The following CEP170B variants were observed in gnomAD, a reference collection of about 807,000 sequenced individuals.
CEP170B encodes the protein centrosomal protein of 170 kDa protein B.
In CEP170B, 55 loss-of-function variants were observed where a neutral mutation model predicts 120.6. The ratio of observed to expected loss-of-function variants is 0.46; its 90% CI spans 0.37 to 0.57. The LOEUF (loss-of-function observed/expected upper bound fraction) is 0.57, where lower values mean the gene tolerates loss of function less well. Ranked by LOEUF, CEP170B falls within the 20% of genes least tolerant of loss-of-function variation. CEP170B has a pLI of 0.00. For missense variants in CEP170B, 2,212 were observed against 2,253.3 expected, an observed-to-expected ratio of 0.98 and a Z score of 0.37; for synonymous variants, 1,033 against 954.5, an observed-to-expected ratio of 1.08 and a Z score of -1.52.
At chr14:104,889,138 G>C (rs999805194) in intron 12 of CEP170B, among the ~76,000 whole-genome samples, 13 of 152,212 alleles carry the variant, frequency 8.5e-5, no homozygotes, top group Non-Finnish European at 1.8e-4. Context: ...GCCTGTCTGT[G>C]TGGTCCAGCC....
At chr14:104,889,426 C>G (rs1450482190) in intron 12 of CEP170B, 194 bp from the exon 13 acceptor site, 1 of 1,409,492 alleles carries the variant, frequency 7.1e-7, no homozygotes, top group Non-Finnish European at 9.4e-7. Context: ...CAGCACTGAG[C>G]CCTCTCCCAG....
In CEP170B at chr14:104,891,886, TGGACCCAGCTA is replaced by T. The variant is rs1896868419; in HGVS notation, c.3879-1081_3879-1071del. 6.6e-6 allele frequency among the ~76,000 whole-genome samples: 1 copy of T among 152,066 alleles called. No homozygotes were observed. The highest frequency in any genetic ancestry group is 1.5e-5 in the Non-Finnish European group (1 of 67,990). Reference sequence around the variant, plus strand: ...CATGTTTTGTCTTGATGTGGAATGGTGGACCCAGCTAGGACCCAGTCCTGAATGGGGCCAGG... The same window carrying T: ...CATGTTTTGTCTTGATGTGGAATGGTGGACCCAGTCCTGAATGGGGCCAGG... On this transcript the variant is annotated intron_variant, in intron 13 of 18. Coordinates refer to ENST00000414716, the MANE Select transcript of CEP170B (RefSeq NM_001112726.3). This position sits in a 1 kb window ranked among gnomAD's most constrained non-coding sequence, Gnocchi z 4.3.
At position 104,867,540 on chromosome 14, in the gene CEP170B, G is replaced by A. The variant is rs1415194963; in HGVS notation, c.-27-884G>A. The stretch of plus-strand genomic sequence containing the variant: ...AGGATGTGCTGGGCAGTGGGGTGGA[G>A]TGCCCAGGACATGTGTGCTGGCATG... On this transcript the variant is annotated intron_variant, in intron 1 of 18. Transcript: ENST00000414716. This position sits in a 1 kb window ranked among gnomAD's most constrained non-coding sequence, Gnocchi z 5.4. 6.6e-6 allele frequency among the ~76,000 whole-genome samples: 1 copy of A among 152,188 alleles called. No homozygotes were observed. Among genetic ancestry groups the A allele is most frequent in the African/African-American group, 2.4e-5 (1 of 41,442 alleles).
rs1328083620 is a variant in CEP170B, at chr14:104,867,428, C to G, written c.-27-996C>G. Among the ~76,000 whole-genome samples the G allele has an allele frequency of 6.6e-6, 1 of 152,208 alleles. No homozygotes were observed. The highest frequency in any genetic ancestry group is 1.5e-5 in the Non-Finnish European group (1 of 68,030). Reference sequence around the variant, plus strand: ...CCGTTTCTGTTCTCTGTGCCTGCCCCCTGCTGAAGGGAGCCCCAGGATTCT... The same window carrying G: ...CCGTTTCTGTTCTCTGTGCCTGCCCGCTGCTGAAGGGAGCCCCAGGATTCT... On this transcript the variant is annotated intron_variant, in intron 1 of 18. Transcript: ENST00000414716. This position sits in a 1 kb window ranked among gnomAD's most constrained non-coding sequence, Gnocchi z 5.4.
intron 4 of CEP170B, among the ~76,000 whole-genome samples, 170 bp from the exon 5 acceptor site, chr14:104,878,273 G>A (rs1468614723): frequency 1.3e-5 from 2 of 152,132 alleles, no homozygotes; most frequent in Admixed American, 1.3e-4. Flanking sequence ...GCCCGACCTT[G>A]GGACTGTCTG....
At chr14:104,877,766 G>C (rs1458483927) in intron 3 of CEP170B, 119 bp from the exon 4 acceptor site, 1 of 675,410 alleles carries the variant, frequency 1.5e-6, no homozygotes, top group Non-Finnish European at 2.6e-6. Context: ...CAGAGAGTTG[G>C]TGCCCCCGCG....
intron 8 of CEP170B, 128 bp from the exon 9 acceptor site, chr14:104,883,703 G>T (rs891806157): frequency 9.8e-6 from 11 of 1,126,216 alleles, no homozygotes; most frequent in South Asian, 1.6e-5. Flanking sequence ...TTTGCCCTGT[G>T]TGGGGGGGCC....
chr14:104,885,634 C>A, intron 10 of CEP170B, 92 bp downstream of exon 10: 1 of 1,450,974 alleles, frequency 6.9e-7, no homozygotes, highest in Non-Finnish European at 9.1e-7. Flanking sequence ...CCCCATGGGG[C>A]GAGACTGGAC....
In CEP170B at chr14:104,882,483, G is replaced by T. The variant is rs543189612; in HGVS notation, c.473-245G>T. Among the ~76,000 whole-genome samples, 54 of 150,678 alleles carry T rather than the reference G, an allele frequency of 3.6e-4. 1 individual carries two copies. The South Asian group carries it at 0.011, about 31-fold the overall frequency. ...CAGGCAGGGAGGAGGGGCCAGGCAG[G>T]CAGGGAGCCTCTAAGCACTTGTGGG... On this transcript the variant is annotated intron_variant, in intron 6 of 18. Transcript: ENST00000414716.
At position 104,884,150 on chromosome 14, in the gene CEP170B, C is replaced by T; in HGVS notation, c.1371C>T (p.Arg457=). 1.3e-6 allele frequency: 2 copies of T among 1,554,750 alleles called. No homozygotes were observed. Among genetic ancestry groups the T allele is most frequent in the Non-Finnish European group, 1.7e-6 (2 of 1,150,910 alleles). ...SVPAPVQAGG[R]SSGPQRAGSL... is the part of the protein sequence containing the mutation. ...CAGCCCCAGTCCAGGCAGGGGGCCG[C>T]AGCTCGGGGCCACAGAGGGCCGGCT... Residue 457 remains arginine, a synonymous_variant, in exon 9 of 19, where the codon CGC becomes CGT. Coordinates refer to ENST00000414716, the MANE Select transcript of CEP170B (RefSeq NM_001112726.3).
chr14:104,892,443 C>T (rs915578984), intron 13 of CEP170B, among the ~76,000 whole-genome samples: 9 of 133,116 alleles, frequency 6.8e-5, no homozygotes, highest in African/African-American at 2.9e-4. Context: ...CTCTCTGGAT[C>T]TGCCCAGCCC....
At chr14:104,872,813 C>T (rs1209810621) in intron 2 of CEP170B, among the ~76,000 whole-genome samples, 3 of 152,174 alleles carry the variant, frequency 2.0e-5, no homozygotes, top group Non-Finnish European at 4.4e-5. Context: ...CTGGGCCAGG[C>T]TGTTGCCCCA....
Position 104,870,280 on chromosome 14 carries a change from A to G in CEP170B, c.105+1725A>G, listed in dbSNP as rs572853097. Among the ~76,000 whole-genome samples the G allele has an allele frequency of 2.3e-4, 35 of 152,286 alleles. No homozygotes were observed. Among genetic ancestry groups the G allele is most frequent in the African/African-American group, 7.9e-4 (33 of 41,546 alleles). ...GAAGTATCAATTTCCCATAATTTTC[A>G]TGTGTCATGAAATAGCCTTTTGATG... On this transcript the variant is annotated intron_variant, in intron 2 of 18. Transcript: ENST00000414716. The surrounding 1 kb of genome is among the most constrained non-coding windows in gnomAD (Gnocchi z 4.1).
intron 14 of CEP170B, 110 bp downstream of exon 14, chr14:104,893,245 C>T: frequency 2.1e-5 from 27 of 1,292,998 alleles, no homozygotes; most frequent in Non-Finnish European, 2.8e-5. Context: ...CTGCACATCC[C>T]CACTTGGCGA....
chr14:104,881,823 G>A (rs72700183), intron 6 of CEP170B, among the ~76,000 whole-genome samples: 4,230 of 152,282 alleles, frequency 0.028, 68 homozygotes, highest in Middle Eastern at 0.085. Flanking sequence ...GGGGTAAGGC[G>A]TGTGTGACAC....
intron 2 of CEP170B, among the ~76,000 whole-genome samples, chr14:104,873,870 T>A (rs571002595): frequency 1.8e-3 from 275 of 152,260 alleles, no homozygotes; most frequent in Non-Finnish European, 3.1e-3. Flanking sequence ...CAGGCCTCAG[T>A]GCTTCCTTTC....
In CEP170B at chr14:104,883,797, G is replaced by A. The variant is rs763006312; in HGVS notation, c.1052-34G>A. 4.3e-5 allele frequency: 64 copies of A among 1,491,580 alleles called. No homozygotes were observed. The Admixed American group carries it at 5.7e-4, about 13-fold the overall frequency. The allele number at this position is 1,491,580 out of a possible 1,614,324, so 92.4% of individuals were successfully genotyped here. A position where few individuals can be genotyped will look rare whatever the true frequency, so the allele number is the denominator to read the frequency against. ...GATCGACAGCTGTTTCCTTTCTCTCGGCCTGACAAGGTGGGGTCCCCTGTC... is the reference window on the plus strand; with the variant it reads ...GATCGACAGCTGTTTCCTTTCTCTCAGCCTGACAAGGTGGGGTCCCCTGTC... On this transcript the variant is annotated intron_variant, in intron 8 of 18. Coordinates refer to ENST00000414716, the MANE Select transcript of CEP170B (RefSeq NM_001112726.3).
chr14:104,885,433 T>A lies in CEP170B; in HGVS notation c.1835T>A (p.Ile612Asn), dbSNP rs1461111130. 1 of 1,565,332 alleles carries A rather than the reference T, an allele frequency of 6.4e-7. No individual in the cohort carries two copies. The highest frequency in any genetic ancestry group is 1.2e-5 in the South Asian group (1 of 85,042). Residue 612 changes from isoleucine (I) to asparagine (N), a missense_variant, in exon 10 of 19, where the codon ATC (isoleucine) becomes AAC (asparagine). By Grantham distance (149) the Ile-to-Asn change is moderately radical (BLOSUM62 -3). Coordinates refer to ENST00000414716, the MANE Select transcript of CEP170B (RefSeq NM_001112726.3). ...RASSATFRPV[I>N]RGDRDESDDG... ...TCTTCGGCCACCTTTCGCCCAGTCA[T>A]CAGAGGGGACAGAGATGAGTCTGAT...
Position 104,883,513 on chromosome 14 carries a change from G to A in CEP170B, c.1051+5G>A. 6.5e-7 allele frequency: 1 copy of A among 1,530,958 alleles called. No homozygotes were observed. Among genetic ancestry groups the A allele is most frequent in the Non-Finnish European group, 8.8e-7 (1 of 1,134,622 alleles). 94.8% of individuals were successfully genotyped at this position (1,530,958 alleles called of 1,614,324 possible). ...TCCACACCCGCACCCTGAAGGGTGA[G>A]TGCCCAGCTGGCGGCCGTGCCAGTC... is the stretch of plus-strand genomic sequence containing the variant. On this transcript the variant is annotated splice_donor_5th_base_variant and intron_variant, in intron 8 of 18. Transcript: ENST00000414716.
Sources: gnomAD v4.1 joint callset for allele counts (sites outside exome capture counted in the v4.1 genomes callset) on GRCh38, gnomAD v4.1.1 for gene constraint, Gnocchi (gnomAD v3.1) non-coding constraint, MANE v1.5 for transcripts, NCBI Gene and HGNC (gene_info 2026-07-23, HGNC 2026-07-21) for gene names.